Variants in EYA4 observed in about 807,000 individuals in gnomAD.
EYA4 encodes the protein protein phosphatase EYA4.
In EYA4, 31 loss-of-function variants were observed where a neutral mutation model predicts 87.9. The observed-to-expected ratio is 0.35, with a 90% CI of 0.27 to 0.48. The LOEUF (loss-of-function observed/expected upper bound fraction) is 0.48. Ranked by LOEUF, EYA4 falls within the 20% of genes least tolerant of loss-of-function variation. The pLI is 0.99. For synonymous variants in EYA4, 263 were observed against 270.6 expected (o/e 0.97, Z 0.28); for missense variants, 678 against 761.4 (o/e 0.89, Z 1.29).
At chr6:133,500,013 G>A (rs553294934) in intron 13 of EYA4, among the ~76,000 whole-genome samples, 1 of 150,654 alleles carries the variant, frequency 6.6e-6, no homozygotes, top group East Asian at 1.9e-4. Context: ...TGAATCACCT[G>A]ATAATCTTGT....
intron 4 of EYA4, among the ~76,000 whole-genome samples, chr6:133,447,112 C>G (rs986626124): frequency 6.6e-6 from 1 of 152,062 alleles, no homozygotes; most frequent in Non-Finnish European, 1.5e-5. Flanking sequence ...TGTGTACACA[C>G]TTACTACTTT....
intron 3 of EYA4, among the ~76,000 whole-genome samples, chr6:133,432,439 A>T (rs1193739662): frequency 6.6e-6 from 1 of 151,126 alleles, no homozygotes; most frequent in Non-Finnish European, 1.5e-5. Context: ...GAAGTATTAC[A>T]CCAGATGAGA....
At chr6:133,414,376 C>A (rs1015472317) in intron 3 of EYA4, among the ~76,000 whole-genome samples, 1 of 152,180 alleles carries the variant, frequency 6.6e-6, no homozygotes, top group Non-Finnish European at 1.5e-5. Context: ...AAGAATCCCT[C>A]GTATGTATTC....
At chr6:133,349,248 G>A (rs1303682506) in intron 2 of EYA4, among the ~76,000 whole-genome samples, 1 of 152,138 alleles carries the variant, frequency 6.6e-6, no homozygotes, top group African/African-American at 2.4e-5. Context: ...CTCAACTGCT[G>A]GACACTCCTT....
Position 133,473,569 on chromosome 6 carries a change from A to C in EYA4, c.970+4838A>C, listed in dbSNP as rs1795463090. ...TTTTTAGTTCCCTGTTCAGAATATA[A>C]TCTTTACCTGTGGGTCCAAGAAATA... is the stretch of plus-strand genomic sequence containing the variant. On this transcript the variant is annotated intron_variant, in intron 11 of 19. Coordinates refer to ENST00000355286, the MANE Select transcript of EYA4 (RefSeq NM_004100.5). 1.3e-5 allele frequency among the ~76,000 whole-genome samples: 2 copies of C among 152,068 alleles called. 1 individual carries two copies. Among genetic ancestry groups the C allele is most frequent in the South Asian group, 4.1e-4 (2 of 4,834 alleles).
intron 13 of EYA4, among the ~76,000 whole-genome samples, chr6:133,486,759 T>C (rs1030881241): frequency 4.6e-5 from 7 of 152,002 alleles, no homozygotes; most frequent in African/African-American, 1.7e-4. Flanking sequence ...GAATATGAAG[T>C]CTAGTGTGGC....
chr6:133,337,118 A>C (rs745090), intron 2 of EYA4, among the ~76,000 whole-genome samples: 4,544 of 152,246 alleles, frequency 0.03, 224 homozygotes, highest in African/African-American at 0.1. Context: ...GTGTGGTCTG[A>C]GTCTCAGTTT....
intron 3 of EYA4, among the ~76,000 whole-genome samples, chr6:133,421,091 A>T (rs1262165775): frequency 6.6e-6 from 1 of 152,206 alleles, no homozygotes; most frequent in African/African-American, 2.4e-5. Context: ...GCTTCCTCTT[A>T]GACTGTGCCT....
intron 1 of EYA4, among the ~76,000 whole-genome samples, chr6:133,262,439 A>G (rs1433900196): frequency 6.6e-6 from 1 of 152,230 alleles, no homozygotes; most frequent in Non-Finnish European, 1.5e-5. Context: ...AGTCTGCCTT[A>G]GTATCCGTAG....
chr6:133,330,553 A>ATG, intron 2 of EYA4, among the ~76,000 whole-genome samples: 1 of 56,728 alleles, frequency 1.8e-5, no homozygotes, highest in Non-Finnish European at 3.3e-5. Context: ...TGAGATTTAT[A>ATG]TATATATATA....
intron 1 of EYA4, among the ~76,000 whole-genome samples, chr6:133,260,947 A>G (rs867242891): frequency 6.6e-6 from 1 of 152,210 alleles, no homozygotes; most frequent in African/African-American, 2.4e-5. Context: ...ACAAAACGAT[A>G]ACAACACAAA....
At chr6:133,378,428 AATTATT>A (rs1162062260) in intron 2 of EYA4, among the ~76,000 whole-genome samples, 1 of 152,142 alleles carries the variant, frequency 6.6e-6, no homozygotes, top group Non-Finnish European at 1.5e-5. Flanking sequence ...AAATGGCAGT[AATTATT>A]ATTGTTATGT....
At chr6:133,290,853 A>C (rs1276193116) in intron 2 of EYA4, among the ~76,000 whole-genome samples, 1 of 152,194 alleles carries the variant, frequency 6.6e-6, no homozygotes, top group East Asian at 1.9e-4. Context: ...CAAATTTGAA[A>C]GCATACTTTT....
chr6:133,375,527 CATATGTAATAGGAAAGGAT>C (rs1485758760), intron 2 of EYA4, among the ~76,000 whole-genome samples: 1 of 151,550 alleles, frequency 6.6e-6, no homozygotes, highest in Non-Finnish European at 1.5e-5. Flanking sequence ...TAGGAAAGGA[CATATGTAATAGGAAAGGAT>C]ATATTTTAAT....
At chr6:133,337,384 T>C (rs1562304131) in intron 2 of EYA4, among the ~76,000 whole-genome samples, 1 of 152,158 alleles carries the variant, frequency 6.6e-6, no homozygotes, top group Non-Finnish European at 1.5e-5. Context: ...ATATTGTTAA[T>C]AGGGGAATAA....
At chr6:133,487,081 G>T (rs1282888434) in intron 13 of EYA4, among the ~76,000 whole-genome samples, 2 of 152,180 alleles carry the variant, frequency 1.3e-5, no homozygotes, top group Non-Finnish European at 2.9e-5. Flanking sequence ...CTGTGCACTT[G>T]GGGGAGGGAG....
At chr6:133,306,454 C>T (rs996823461) in intron 2 of EYA4, among the ~76,000 whole-genome samples, 17 of 152,188 alleles carry the variant, frequency 1.1e-4, no homozygotes, top group Non-Finnish European at 2.2e-4. Flanking sequence ...TTACCTGGCA[C>T]AGCCTTAATT....
chr6:133,334,771 T>G (rs1229220680), intron 2 of EYA4, among the ~76,000 whole-genome samples: 1 of 152,224 alleles, frequency 6.6e-6, no homozygotes, highest in Non-Finnish European at 1.5e-5. Context: ...GGCTGTATTA[T>G]GTACTCTGAA....
At chr6:133,526,757 TG>T (rs1800671461) in intron 19 of EYA4, among the ~76,000 whole-genome samples, 1 of 152,180 alleles carries the variant, frequency 6.6e-6, no homozygotes, top group Non-Finnish European at 1.5e-5. Context: ...AAATATCTTC[TG>T]GAGTTTGTCA....
Sources: gnomAD v4.1 joint callset for allele counts (sites outside exome capture counted in the v4.1 genomes callset) on GRCh38, gnomAD v4.1.1 for gene constraint, MANE v1.5 for transcripts, NCBI Gene and HGNC (gene_info 2026-07-23, HGNC 2026-07-21) for gene names.